The following SMARCC1 variants were observed in gnomAD, a reference collection of about 807,000 sequenced individuals.
The protein encoded by SMARCC1 is SWI/SNF complex subunit SMARCC1.
A neutral mutation model predicts 147.4 loss-of-function variants in SMARCC1; 43 were observed. The ratio of observed to expected loss-of-function variants is 0.29; its 90% CI spans 0.23 to 0.38. SMARCC1 has a LOEUF of 0.38. Among genes scored for constraint, SMARCC1 ranks in the 10% least tolerant of loss-of-function variants. The pLI is 1.00. For synonymous variants in SMARCC1, 495 were observed against 484.4 expected, an observed-to-expected ratio of 1.02 and a Z score of -0.29; for missense variants, 1,119 against 1,381.1, an observed-to-expected ratio of 0.81 and a Z score of 3.01.
chr3:47,632,766 A>G (rs973388813), intron 24 of SMARCC1, among the ~76,000 whole-genome samples: 8 of 152,208 alleles, frequency 5.3e-5, no homozygotes, highest in African/African-American at 1.9e-4. Flanking sequence ...GAACTACAAG[A>G]AACAGTTCAG....
chr3:47,666,888 T>C (rs951593205), intron 19 of SMARCC1, among the ~76,000 whole-genome samples: 22 of 152,312 alleles, frequency 1.4e-4, no homozygotes, highest in South Asian at 2.1e-4. Flanking sequence ...CAAAAGTACA[T>C]AGAATGATAT....
At chr3:47,590,893 G>T in intron 26 of SMARCC1, 56 bp from the exon 27 acceptor site, 2 of 1,457,814 alleles carry the variant, frequency 1.4e-6, no homozygotes, top group Non-Finnish European at 1.9e-6. Flanking sequence ...GTAAGAAAGG[G>T]ATCAACTTAA....
chr3:47,763,562 A>G (rs2034800392), intron 2 of SMARCC1, among the ~76,000 whole-genome samples: 2 of 151,956 alleles, frequency 1.3e-5, no homozygotes, highest in African/African-American at 4.8e-5. Flanking sequence ...CAAACTCTTG[A>G]GCTCAGAGGA....
intron 26 of SMARCC1, among the ~76,000 whole-genome samples, chr3:47,606,877 CTT>C (rs34081063): frequency 5.0e-4 from 68 of 135,830 alleles, no homozygotes; most frequent in Admixed American, 7.4e-4. Context: ...CACCTGGCTA[CTT>C]TTTTTTTTTT....
chr3:47,673,642 T>TCGCGCCA (rs2033533001), intron 18 of SMARCC1, among the ~76,000 whole-genome samples: 1 of 152,046 alleles, frequency 6.6e-6, no homozygotes, highest in Non-Finnish European at 1.5e-5. Context: ...TGAGCCAACA[T>TCGCGCCA]CGCGCCACTT....
At chr3:47,702,286 TATAGGAC>T in intron 10 of SMARCC1, among the ~76,000 whole-genome samples, 1 of 146,424 alleles carries the variant, frequency 6.8e-6, no homozygotes, top group Non-Finnish European at 1.5e-5. Context: ...TTACAAGGGA[TATAGGAC>T]AGAAATCTTT....
At position 47,714,407 on chromosome 3, in the gene SMARCC1, T is replaced by A. The variant is rs778422827; in HGVS notation, c.792+8A>T. The stretch of plus-strand genomic sequence containing the variant: ...TTATTGTAAGATTTTTTTTGTTAAA[T>A]CATTTACCTTCCATGGTTTTTCTGG... On this transcript the variant is annotated splice_region_variant and intron_variant, in intron 8 of 27. Transcript: ENST00000254480. The A allele has an allele frequency of 6.5e-7, 1 of 1,527,954 alleles. No individual in the cohort carries two copies. The highest frequency in any genetic ancestry group is 9.0e-7 in the Non-Finnish European group (1 of 1,109,400). The allele number at this position is 1,527,954 out of a possible 1,614,324, so 94.6% of individuals were successfully genotyped here.
chr3:47,771,037 A>G (rs2034908003), intron 2 of SMARCC1, among the ~76,000 whole-genome samples: 1 of 152,026 alleles, frequency 6.6e-6, no homozygotes, highest in South Asian at 2.1e-4. Flanking sequence ...CAGCCTCCCA[A>G]GGAGCTGGGA....
chr3:47,639,905 C>CA (rs1353766317), intron 21 of SMARCC1, among the ~76,000 whole-genome samples: 1 of 152,180 alleles, frequency 6.6e-6, no homozygotes, highest in Non-Finnish European at 1.5e-5. Flanking sequence ...CTACATCCAT[C>CA]AATTAGGTGA....
At chr3:47,693,408 G>A (rs960995559) in intron 11 of SMARCC1, 108 bp from the exon 12 acceptor site, 4 of 664,032 alleles carry the variant, frequency 6.0e-6, no homozygotes, top group Middle Eastern at 4.1e-4. Context: ...CACTACAACT[G>A]CAACACCATT....
intron 6 of SMARCC1, among the ~76,000 whole-genome samples, chr3:47,723,399 T>G (rs2034259468): frequency 7.0e-6 from 1 of 143,088 alleles, no homozygotes; most frequent in East Asian, 2.0e-4. Flanking sequence ...CTCACTCTGT[T>G]GCCCAGGCTG....
At chr3:47,725,032 C>CAA (rs35548192) in intron 6 of SMARCC1, among the ~76,000 whole-genome samples, 326 of 31,076 alleles carry the variant, frequency 0.01, 3 homozygotes, top group African/African-American at 0.015. Context: ...ACTGTCTCCA[C>CAA]AAAAAAAAAA....
chr3:47,689,797 T>TA (rs2033768753), intron 12 of SMARCC1, among the ~76,000 whole-genome samples: 1 of 151,854 alleles, frequency 6.6e-6, no homozygotes, highest in Non-Finnish European at 1.5e-5. Context: ...GAATGATGAG[T>TA]AAAAAAACGG....
At chr3:47,781,238 T>C (rs1169020879) in intron 1 of SMARCC1, among the ~76,000 whole-genome samples, 3 of 152,062 alleles carry the variant, frequency 2.0e-5, no homozygotes, top group Non-Finnish European at 2.9e-5. Context: ...TAAACAAAAC[T>C]TGAAGCTGCT....
intron 12 of SMARCC1, 99 bp downstream of exon 12, chr3:47,693,142 C>A (rs1056648119): frequency 2.5e-6 from 2 of 789,840 alleles, no homozygotes; most frequent in East Asian, 2.4e-5. Flanking sequence ...GCACTCCAGC[C>A]TGACCAACAG....
intron 21 of SMARCC1, among the ~76,000 whole-genome samples, chr3:47,653,754 G>A (rs1169454802): frequency 1.3e-5 from 2 of 152,158 alleles, no homozygotes; most frequent in East Asian, 3.8e-4. Context: ...GTTATGGTCT[G>A]TTTTCCTTAC....
At chr3:47,598,333 CTTG>C (rs2032326151) in intron 26 of SMARCC1, among the ~76,000 whole-genome samples, 1 of 152,158 alleles carries the variant, frequency 6.6e-6, no homozygotes, top group Non-Finnish European at 1.5e-5. Context: ...TCCTAATGGA[CTTG>C]TTGTGACAAA....
rs1174067873 is a variant in SMARCC1, at chr3:47,590,816, G to C, written c.3065C>G (p.Ser1022Cys). Reference sequence around the variant, plus strand: ...TGGCATGTGCTGCCCGGGCATCATGGAACCTGGGCCTGGTATCTGACCTGT... The same window carrying C: ...TGGCATGTGCTGCCCGGGCATCATGCAACCTGGGCCTGGTATCTGACCTGT... ...PQPGQIPGPG[S>C]MMPGQHMPGR... Residue 1022 changes from serine (S) to cysteine (C), a missense_variant, in exon 27 of 28, where the codon TCC becomes TGC. Transcript: ENST00000254480. 1.9e-6 allele frequency: 3 copies of C among 1,601,076 alleles called. No individual in the cohort carries two copies. Among genetic ancestry groups the C allele is most frequent in the Non-Finnish European group, 2.6e-6 (3 of 1,175,080 alleles).
chr3:47,690,150 G>A (rs2033773765), intron 12 of SMARCC1, among the ~76,000 whole-genome samples: 1 of 151,992 alleles, frequency 6.6e-6, no homozygotes, highest in Non-Finnish European at 1.5e-5. Flanking sequence ...AAGGCAAGGA[G>A]TAGAAGTCCA....
Sources: gnomAD v4.1 joint callset for allele counts (sites outside exome capture counted in the v4.1 genomes callset) on GRCh38, gnomAD v4.1.1 for gene constraint, MANE v1.5 for transcripts, NCBI Gene and HGNC (gene_info 2026-07-23, HGNC 2026-07-21) for gene names.